Variants in PDE6B observed in about 807,000 individuals in gnomAD.
PDE6B encodes the protein phosphodiesterase 6B.
A neutral mutation model predicts 109.0 loss-of-function variants in PDE6B; 106 were observed. The observed-to-expected ratio is 0.97, with a 90% CI of 0.83 to 1.14. The LOEUF (loss-of-function observed/expected upper bound fraction) is 1.14, where lower values mean the gene tolerates loss of function less well. Among genes scored for constraint, PDE6B ranks in the 50% most tolerant of loss-of-function variants. The pLI is 0.00. For synonymous variants in PDE6B, 490 were observed against 471.3 expected (o/e 1.04, Z -0.51); for missense variants, 1,193 against 1,155.6 (o/e 1.03, Z -0.47).
Position 670,725 on chromosome 4 carries a change from A to T in PDE6B, c.*618A>T, listed in dbSNP as rs919961965. Reference sequence around the variant, plus strand: ...GACAGATGGACACAGGCCGTTTCTCATCCAGTTTAGGAAAACACACATGCT... The same window carrying T: ...GACAGATGGACACAGGCCGTTTCTCTTCCAGTTTAGGAAAACACACATGCT... On this transcript the variant is annotated 3_prime_UTR_variant, in exon 22 of 22. Coordinates refer to ENST00000496514, the MANE Select transcript of PDE6B (RefSeq NM_000283.4). 6.5e-6 allele frequency: 1 copy of T among 153,142 alleles called. No individual in the cohort carries two copies. Among genetic ancestry groups the T allele is most frequent in the Non-Finnish European group, 1.5e-5 (1 of 68,704 alleles). The allele number at this position is 153,142 out of a possible 1,614,324, so 9.5% of individuals were successfully genotyped here.
intron 1 of PDE6B, among the ~76,000 whole-genome samples, chr4:627,814 C>T (rs1454294481): frequency 6.6e-6 from 1 of 152,088 alleles, no homozygotes; most frequent in Non-Finnish European, 1.5e-5. Flanking sequence ...TTTCTTGCCC[C>T]CAGGAGTTTG....
In PDE6B at chr4:665,208, C is replaced by A; in HGVS notation, c.2194-47C>A. 2.1e-6 allele frequency: 3 copies of A among 1,447,004 alleles called. No homozygotes were observed. Among genetic ancestry groups the A allele is most frequent in the Non-Finnish European group, 1.9e-6 (2 of 1,032,506 alleles). The allele number at this position is 1,447,004 out of a possible 1,614,324, so 89.6% of individuals were successfully genotyped here. ...CTCACGGGGCGGGCCCGGGCCCTTC[C>A]GCGTGGGCTCAGAGCTCCACAGACA... On this transcript the variant is annotated intron_variant, in intron 18 of 21. Transcript: ENST00000496514. This position sits in a 1 kb window ranked among gnomAD's most constrained non-coding sequence, Gnocchi z 4.0.
At chr4:664,841 G>A (rs781128230) in intron 17 of PDE6B, 40 bp from the exon 18 acceptor site, 19 of 1,531,194 alleles carry the variant, frequency 1.2e-5, no homozygotes, top group East Asian at 4.5e-5. Context: ...CTGCCCTCAG[G>A]AGACGCCCAT....
At position 660,691 on chromosome 4, in the gene PDE6B, C is replaced by G; in HGVS notation, c.1614+78C>G. On this transcript the variant is annotated intron_variant, in intron 12 of 21. Coordinates refer to ENST00000496514, the MANE Select transcript of PDE6B (RefSeq NM_000283.4). ...GGGGGTGGGGATGTGATCAGGGCCT[C>G]AGGTGCCCCAGAAGGTGAGGGGGAT... 7 of 1,286,014 alleles carry G rather than the reference C, an allele frequency of 5.4e-6. No individual in the cohort carries two copies. The South Asian group carries it at 6.0e-5, about 11-fold the overall frequency. 79.7% of individuals were successfully genotyped at this position (1,286,014 alleles called of 1,614,324 possible). A position where few individuals can be genotyped will look rare whatever the true frequency, so the allele number is the denominator to read the frequency against.
intron 20 of PDE6B, among the ~76,000 whole-genome samples, chr4:667,410 A>G (rs1435930155): frequency 6.6e-6 from 1 of 151,950 alleles, no homozygotes; most frequent in Non-Finnish European, 1.5e-5. Context: ...GGTGCCCCCC[A>G]CTGCCTTCCC....
intron 3 of PDE6B, 153 bp from the exon 4 acceptor site, chr4:653,699 C>A (rs1007104003): frequency 6.9e-6 from 6 of 875,472 alleles, no homozygotes; most frequent in Non-Finnish European, 5.5e-6. Flanking sequence ...CACGGAGCCA[C>A]CAATCAGGGT....
At position 648,834 on chromosome 4, in the gene PDE6B, C is replaced by T. The variant is rs1735341536; in HGVS notation, c.712-5018C>T. Among the ~76,000 whole-genome samples the T allele has an allele frequency of 6.6e-6, 1 of 152,258 alleles. No individual in the cohort carries two copies. Among genetic ancestry groups the T allele is most frequent in the South Asian group, 2.1e-4 (1 of 4,836 alleles). On this transcript the variant is annotated intron_variant, in intron 3 of 21. Coordinates refer to ENST00000496514, the MANE Select transcript of PDE6B (RefSeq NM_000283.4). The surrounding 1 kb of genome is among the most constrained non-coding windows in gnomAD (Gnocchi z 4.5). Reference sequence around the variant, plus strand: ...AGCTCTCACCTTCAGGCCGGCCATGCGTCAGGACCCGGTGGCTCGCTGCAA... The same window carrying T: ...AGCTCTCACCTTCAGGCCGGCCATGTGTCAGGACCCGGTGGCTCGCTGCAA...
At chr4:669,305 ACTACCCCATGCTATTCCCG>A (rs1738191815) in intron 21 of PDE6B, among the ~76,000 whole-genome samples, 1 of 87,490 alleles carries the variant, frequency 1.1e-5, no homozygotes, top group Non-Finnish European at 2.2e-5. Flanking sequence ...TGCTAGTCCC[ACTACCCCATGCTATTCCCG>A]CTACCCCATG....
intron 10 of PDE6B, among the ~76,000 whole-genome samples, chr4:657,697 TCCAGGGGTCAC>T (rs1310804697): frequency 7.9e-6 from 1 of 127,276 alleles, no homozygotes; most frequent in Non-Finnish European, 1.6e-5. Flanking sequence ...GGGCAGGTCG[TCCAGGGGTCAC>T]CCAGGGGTCA....
chr4:649,920 A>G (rs570730257), intron 3 of PDE6B, among the ~76,000 whole-genome samples: 68 of 152,066 alleles, frequency 4.5e-4, no homozygotes, highest in African/African-American at 1.4e-3. Flanking sequence ...TCTGCCCCCC[A>G]TGTCAGTGGA....
rs1390870221 is a variant in PDE6B at position 657,370 on chromosome 4, G to A, written c.1277G>A (p.Gly426Asp). 3.1e-6 allele frequency: 5 copies of A among 1,613,090 alleles called. No individual in the cohort carries two copies. Among genetic ancestry groups the A allele is most frequent in the Non-Finnish European group, 4.2e-6 (5 of 1,179,854 alleles). ...CTCCAGTCCCTGACACAGTTCCTGGGCTGGTCAGTGATGAACACCGACACC... is the reference window on the plus strand; with the variant it reads ...CTCCAGTCCCTGACACAGTTCCTGGACTGGTCAGTGATGAACACCGACACC... ...VLMESLTQFL[G>D]WSVMNTDTYD... The change falls in exon 10 of 22, where the codon GGC becomes GAC. Residue 426 changes from glycine (G) to aspartate (D), a missense_variant. Gly to Asp is a moderately conservative substitution (Grantham distance 94). Coordinates refer to ENST00000496514, the MANE Select transcript of PDE6B (RefSeq NM_000283.4).
rs991121566 is a variant in PDE6B at position 665,082 on chromosome 4, G to A, written c.2193+138G>A. 12 of 836,074 alleles carry A rather than the reference G, an allele frequency of 1.4e-5. No homozygotes were observed. Among genetic ancestry groups the A allele is most frequent in the African/African-American group, 5.0e-5 (3 of 59,548 alleles). The allele number at this position is 836,074 out of a possible 1,614,324, so 51.8% of individuals were successfully genotyped here. On this transcript the variant is annotated intron_variant, in intron 18 of 21. Transcript: ENST00000496514. The surrounding 1 kb of genome is among the most constrained non-coding windows in gnomAD (Gnocchi z 4.0). ...GGCCACCTCGGGGCCAGGCCAGGGC[G>A]GCAAGGATGGGGGTACTGCAGTGTG...
chr4:626,674 G>A lies in PDE6B; in HGVS notation c.468+580G>A, dbSNP rs760812648. 4.6e-5 allele frequency among the ~76,000 whole-genome samples: 7 copies of A among 152,220 alleles called. No homozygotes were observed. Among genetic ancestry groups the A allele is most frequent in the Non-Finnish European group, 8.8e-5 (6 of 68,026 alleles). ...AACCTGGTAGCCACTGAGCACAGGG[G>A]TCCAGGGTGGGACTGGGGAGGGACA... On this transcript the variant is annotated intron_variant, in intron 1 of 21. Transcript: ENST00000496514. The surrounding 1 kb of genome is among the most constrained non-coding windows in gnomAD (Gnocchi z 4.6).
Position 626,234 on chromosome 4 carries a change from AGTAC to A in PDE6B, c.468+141_468+144del. 1.6e-6 allele frequency: 1 copy of A among 627,160 alleles called. No homozygotes were observed. The highest frequency in any genetic ancestry group is 2.8e-6 in the Non-Finnish European group (1 of 354,012). The allele number at this position is 627,160 out of a possible 1,614,324, so 38.8% of individuals were successfully genotyped here. A position where few individuals can be genotyped will look rare whatever the true frequency, so the allele number is the denominator to read the frequency against. On this transcript the variant is annotated intron_variant, in intron 1 of 21. Transcript: ENST00000496514. The surrounding 1 kb of genome is among the most constrained non-coding windows in gnomAD (Gnocchi z 4.6). ...CAGGCTAGTTCTGTGCTGAGGAGCA[AGTAC>A]CTAGAGCCCCCTCCCGGCACTGTGC...
Position 636,596 on chromosome 4 carries a change from G to A in PDE6B, c.711+627G>A, listed in dbSNP as rs957107762. 6.6e-6 allele frequency among the ~76,000 whole-genome samples: 1 copy of A among 152,160 alleles called. No individual in the cohort carries two copies. Among genetic ancestry groups the A allele is most frequent in the Non-Finnish European group, 1.5e-5 (1 of 68,014 alleles). ...GCTGGGGGAGGGAGGCTCTATGTTG[G>A]GGCTGGGAAGCCGTCCATGCAATGG... On this transcript the variant is annotated intron_variant, in intron 3 of 21. Coordinates refer to ENST00000496514, the MANE Select transcript of PDE6B (RefSeq NM_000283.4). The surrounding 1 kb of genome is among the most constrained non-coding windows in gnomAD (Gnocchi z 4.5).
At chr4:647,209 C>T (rs568858473) in intron 3 of PDE6B, among the ~76,000 whole-genome samples, 71 of 152,130 alleles carry the variant, frequency 4.7e-4, no homozygotes, top group South Asian at 2.7e-3. Flanking sequence ...CTTCGTGTCA[C>T]ATCTGAGTCT....
chr4:634,522 C>G (rs1186469376), intron 1 of PDE6B, among the ~76,000 whole-genome samples, 155 bp from the exon 2 acceptor site: 1 of 152,158 alleles, frequency 6.6e-6, no homozygotes, highest in Non-Finnish European at 1.5e-5. Context: ...CAGCTTTCAC[C>G]GCCCGGTGGC....
At chr4:656,036 A>G (rs1394548501) in intron 7 of PDE6B, 30 bp downstream of exon 7, 7 of 1,446,392 alleles carry the variant, frequency 4.8e-6, no homozygotes, top group East Asian at 2.3e-5. Context: ...GAGTCCCCAC[A>G]GCCTTGCCCT....
intron 3 of PDE6B, among the ~76,000 whole-genome samples, chr4:645,353 TG>T (rs1343869461): frequency 6.8e-6 from 1 of 148,032 alleles, no homozygotes; most frequent in Non-Finnish European, 1.5e-5. Flanking sequence ...TGGAGTGCAG[TG>T]GCGCGATCTC....
Sources: allele counts gnomAD v4.1 joint callset (sites outside exome capture counted in the v4.1 genomes callset), GRCh38; gene constraint gnomAD v4.1.1; non-coding constraint Gnocchi (gnomAD v3.1); transcripts MANE v1.5; gene names NCBI Gene and HGNC (gene_info 2026-07-23, HGNC 2026-07-21).